PDE11A: variants seen among roughly 807,000 people sequenced by gnomAD.
PDE11A encodes the protein dual 3',5'-cyclic-AMP and -GMP phosphodiesterase 11A.
Under a neutral mutation model 100.5 loss-of-function variants are expected in PDE11A, and 100 were observed. That is an observed-to-expected ratio of 1.00 (90% CI 0.85 to 1.18). PDE11A has a LOEUF of 1.18. PDE11A is among the 50% of genes most tolerant of loss of function. The pLI is 0.00. For missense variants in PDE11A, 1,141 were observed against 1,152.6 expected (o/e 0.99, Z 0.15); for synonymous variants, 381 against 420.8 (o/e 0.91, Z 1.16).
At chr2:177,708,606 A>C (rs2105420678) in intron 13 of PDE11A, among the ~76,000 whole-genome samples, 1 of 152,340 alleles carries the variant, frequency 6.6e-6, no homozygotes, top group East Asian at 1.9e-4. Flanking sequence ...AAACCTTCAC[A>C]TGTACCCCCA....
intron 5 of PDE11A, among the ~76,000 whole-genome samples, chr2:177,854,143 T>G (rs907498951): frequency 6.6e-6 from 1 of 151,944 alleles, no homozygotes; most frequent in Non-Finnish European, 1.5e-5. Flanking sequence ...ACAGCTGACC[T>G]ATATAGGCTA....
intron 9 of PDE11A, among the ~76,000 whole-genome samples, chr2:177,781,120 A>T (rs2082447956): frequency 6.6e-6 from 1 of 152,194 alleles, no homozygotes; most frequent in Non-Finnish European, 1.5e-5. Context: ...TGGAACACTT[A>T]GAGGTCATTG....
At chr2:177,683,083 C>G (rs1304438967) in intron 15 of PDE11A, among the ~76,000 whole-genome samples, 1 of 152,164 alleles carries the variant, frequency 6.6e-6, no homozygotes, top group African/African-American at 2.4e-5. Flanking sequence ...GCCTGGGGTG[C>G]TTATCACCAA....
rs144881528 is a variant in PDE11A, at chr2:177,629,466, C to A, written c.2743G>T (p.Ala915Ser). 1 of 1,613,776 alleles carries A rather than the reference C, an allele frequency of 6.2e-7. No individual in the cohort carries two copies. The highest frequency in any genetic ancestry group is 1.1e-5 in the South Asian group (1 of 91,064). The change falls in exon 20 of 20, where the codon GCC becomes TCC. Residue 915 changes from alanine to serine, a missense_variant. Ala to Ser is a moderately conservative substitution (Grantham distance 99). Transcript: ENST00000286063. ...WEELHQKRLL[A>S]STASSSPASV... is the part of the protein sequence containing the mutation. ...GCAGGGGAGGATGAGGCAGTTGAGG[C>A]CAGCAGTCGTTTTTGGTGTAGCTCT...
At chr2:177,943,620 T>C (rs1465575819) in intron 2 of PDE11A, among the ~76,000 whole-genome samples, 1 of 152,232 alleles carries the variant, frequency 6.6e-6, no homozygotes, top group Non-Finnish European at 1.5e-5. Flanking sequence ...TTATATAGTC[T>C]GGATATTAAC....
chr2:177,821,686 C>T (rs1476542700), intron 6 of PDE11A, among the ~76,000 whole-genome samples: 2 of 151,768 alleles, frequency 1.3e-5, no homozygotes, highest in Admixed American at 6.6e-5. Flanking sequence ...GTGGTTATAT[C>T]TCCTTGTGAA....
At chr2:177,848,083 G>T (rs935791038) in intron 5 of PDE11A, among the ~76,000 whole-genome samples, 1 of 151,990 alleles carries the variant, frequency 6.6e-6, no homozygotes, top group African/African-American at 2.4e-5. Context: ...ACATTTATTT[G>T]TTGTTGAAGA....
intron 4 of PDE11A, among the ~76,000 whole-genome samples, chr2:177,889,853 A>G (rs936075249): frequency 2.0e-5 from 3 of 151,942 alleles, no homozygotes; most frequent in Admixed American, 2.0e-4. Flanking sequence ...CATTTCATGG[A>G]AAACTTTAAG....
chr2:177,811,045 C>T (rs2082942012), intron 9 of PDE11A, among the ~76,000 whole-genome samples: 1 of 152,136 alleles, frequency 6.6e-6, no homozygotes, highest in South Asian at 2.1e-4. Context: ...TGGCAAATTT[C>T]TCTTCAGTAT....
At chr2:177,836,763 A>C (rs1337259423) in intron 6 of PDE11A, among the ~76,000 whole-genome samples, 2 of 152,182 alleles carry the variant, frequency 1.3e-5, no homozygotes, top group Non-Finnish European at 2.9e-5. Context: ...AGGAATGAAC[A>C]ACTCCGGACG....
rs758204397 is a variant in PDE11A, at chr2:177,783,770, AC to A, written c.1738-14398del. Among the ~76,000 whole-genome samples, 3 of 152,158 alleles carry A rather than the reference AC, an allele frequency of 2.0e-5. No individual in the cohort carries two copies. The South Asian group carries it at 6.2e-4, about 32-fold the overall frequency. On this transcript the variant is annotated intron_variant, in intron 9 of 19. Transcript: ENST00000286063. ...AGGGTACTGGTTTTCCAGCCTATTCACTTAGATTTCAAATGGCATTGATCTC... is the reference window on the plus strand; with the variant it reads ...AGGGTACTGGTTTTCCAGCCTATTCATTAGATTTCAAATGGCATTGATCTC...
Position 177,685,418 on chromosome 2 carries a change from C to T in PDE11A, c.2346-4515G>A, listed in dbSNP as rs1275464299. Among the ~76,000 whole-genome samples, 7 of 152,190 alleles carry T rather than the reference C, an allele frequency of 4.6e-5. No individual in the cohort carries two copies. In the East Asian group the frequency reaches 1.3e-3, roughly 29 times the overall value. On this transcript the variant is annotated intron_variant, in intron 15 of 19. Coordinates refer to ENST00000286063, the MANE Select transcript of PDE11A (RefSeq NM_016953.4). ...AACACCATTTCCATCCAATATCTGACTCACCTTCCACTAACGATTGTTATA... is the reference window on the plus strand; with the variant it reads ...AACACCATTTCCATCCAATATCTGATTCACCTTCCACTAACGATTGTTATA...
At chr2:178,075,529 G>A (rs942282828), upstream of PDE11A, among the ~76,000 whole-genome samples, 4 of 125,200 alleles carry the variant, frequency 3.2e-5, no homozygotes, top group African/African-American at 1.3e-4. Context: ...TCCAGCCTGG[G>A]CAACAGAGTG....
At chr2:177,892,160 G>A (rs1044055701) in intron 4 of PDE11A, among the ~76,000 whole-genome samples, 7 of 152,184 alleles carry the variant, frequency 4.6e-5, no homozygotes, top group South Asian at 2.1e-4. Flanking sequence ...TGGTTTTAAC[G>A]TCATATTGGC....
intron 5 of PDE11A, among the ~76,000 whole-genome samples, chr2:177,872,365 C>T (rs565942221): frequency 6.6e-6 from 1 of 152,298 alleles, no homozygotes; most frequent in East Asian, 1.9e-4. Context: ...CAGTGATACC[C>T]TGGAAGAGGA....
intron 2 of PDE11A, among the ~76,000 whole-genome samples, chr2:178,091,165 G>A (rs1220805682): frequency 6.6e-6 from 1 of 152,126 alleles, no homozygotes; most frequent in East Asian, 1.9e-4. Context: ...TGACCTCCCA[G>A]GCTCAAGCAA....
chr2:177,793,573 G>C (rs1259500657), intron 9 of PDE11A, among the ~76,000 whole-genome samples: 1 of 151,004 alleles, frequency 6.6e-6, no homozygotes, highest in African/African-American at 2.4e-5. Flanking sequence ...GCTCCACTCA[G>C]GGAGGAAAGG....
intron 2 of PDE11A, among the ~76,000 whole-genome samples, chr2:178,078,544 T>C (rs561687039): frequency 1.3e-5 from 2 of 152,238 alleles, no homozygotes; most frequent in African/African-American, 4.8e-5. Flanking sequence ...TGGTGAACGA[T>C]AATGACCCAT....
At chr2:177,672,375 C>T (rs7560080) in intron 17 of PDE11A, among the ~76,000 whole-genome samples, 123,579 of 152,172 alleles carry the variant, frequency 0.81, 50,949 homozygotes, top group East Asian at 0.98. Context: ...TGTTGAACAA[C>T]TGGAATTTAA....
Sources: gnomAD v4.1 joint callset for allele counts (sites outside exome capture counted in the v4.1 genomes callset) on GRCh38, gnomAD v4.1.1 for gene constraint, MANE v1.5 for transcripts, NCBI Gene and HGNC (gene_info 2026-07-23, HGNC 2026-07-21) for gene names.